The following TGFBI variants were observed in gnomAD, a reference collection of about 807,000 sequenced individuals.
The protein encoded by TGFBI is transforming growth factor beta induced, also known as transforming growth factor-beta-induced protein ig-h3.
A neutral mutation model predicts 73.7 loss-of-function variants in TGFBI; 50 were observed. That is an observed-to-expected ratio of 0.68 (90% CI 0.54 to 0.86). TGFBI has a LOEUF of 0.86. Among genes scored for constraint, TGFBI ranks in the 40% least tolerant of loss-of-function variants. The pLI, the probability that TGFBI is intolerant of heterozygous loss-of-function variation, is 0.00. For synonymous variants in TGFBI, 362 were observed against 360.5 expected (o/e 1.00, Z -0.05); for missense variants, 839 against 877.0 (o/e 0.96, Z 0.55).
At position 136,044,149 on chromosome 5, in the gene TGFBI, G is replaced by A. The variant is rs531607032; in HGVS notation, c.298+27G>A. 5.0e-5 allele frequency: 80 copies of A among 1,595,952 alleles called. No individual in the cohort carries two copies. In the East Asian group the frequency reaches 1.7e-3, roughly 34 times the overall value. On this transcript the variant is annotated intron_variant, in intron 3 of 16. Coordinates refer to ENST00000442011, the MANE Select transcript of TGFBI (RefSeq NM_000358.3). ...TGAATGAATCCTCCGGGCCTTGCCT[G>A]TTGGTGTGGGTGGAAGGGAATGGTG...
At position 136,052,908 on chromosome 5, in the gene TGFBI, C is replaced by T. The variant is rs754237763; in HGVS notation, c.915C>T (p.Asp305=). The change falls in exon 8 of 17, where the codon GAC becomes GAT. Residue 305 remains aspartate (D), a splice_region_variant and synonymous_variant. Coordinates refer to ENST00000442011, the MANE Select transcript of TGFBI (RefSeq NM_000358.3). ...RILGDPEALR[D]LLNNHILKSA... Reference sequence around the variant, plus strand: ...GACCTGAGTCTGTTTGGACCCCAGACCTGCTGAACAACCACATCTTGAAGT... The same window carrying T: ...GACCTGAGTCTGTTTGGACCCCAGATCTGCTGAACAACCACATCTTGAAGT... 1 of 1,613,508 alleles carries T rather than the reference C, an allele frequency of 6.2e-7. No individual in the cohort carries two copies. The highest frequency in any genetic ancestry group is 8.5e-7 in the Non-Finnish European group (1 of 1,179,488).
chr5:136,061,443 T>C (rs2126918002), intron 14 of TGFBI, 57 bp from the exon 15 acceptor site: 3 of 1,314,760 alleles, frequency 2.3e-6, no homozygotes, highest in South Asian at 2.5e-5. Context: ...ACGGTTGTTA[T>C]GAATGACATG....
chr5:136,042,099 C>G lies in TGFBI; in HGVS notation c.234-1959C>G, dbSNP rs189180578. 2.1e-4 allele frequency among the ~76,000 whole-genome samples: 32 copies of G among 152,318 alleles called. No individual in the cohort carries two copies. In the East Asian group the frequency reaches 5.2e-3, roughly 25 times the overall value. ...AGAAACTAAGTTTGGGGGGACTTGA[C>G]CTAATCCCACATCACAGCCCCAGTA... On this transcript the variant is annotated intron_variant, in intron 2 of 16. Coordinates refer to ENST00000442011, the MANE Select transcript of TGFBI (RefSeq NM_000358.3).
At chr5:136,054,687 C>T in intron 9 of TGFBI, 29 bp from the exon 10 acceptor site, 1 of 1,613,904 alleles carries the variant, frequency 6.2e-7, no homozygotes, top group East Asian at 2.2e-5. Context: ...GCACATCTCT[C>T]TGGACCTAAC....
chr5:136,061,130 G>A, intron 14 of TGFBI, 194 bp downstream of exon 14: 1 of 596,354 alleles, frequency 1.7e-6, no homozygotes, highest in South Asian at 2.4e-5. Flanking sequence ...GGAATGTGAG[G>A]ACACATTGCT....
chr5:136,029,949 C>T (rs1440497412), intron 1 of TGFBI, among the ~76,000 whole-genome samples: 1 of 152,134 alleles, frequency 6.6e-6, no homozygotes, highest in Non-Finnish European at 1.5e-5. Context: ...TCCTTTGAGA[C>T]CCTGAAGATG....
chr5:136,058,715 C>A (rs1751694179), intron 12 of TGFBI: 2 of 167,544 alleles, frequency 1.2e-5, no homozygotes, highest in South Asian at 3.6e-4. Flanking sequence ...GATGCCGGTG[C>A]TGGAAAGGTC....
intron 2 of TGFBI, among the ~76,000 whole-genome samples, chr5:136,040,448 G>A (rs1398896186): frequency 2.0e-5 from 3 of 152,156 alleles, no homozygotes; most frequent in Non-Finnish European, 4.4e-5. Context: ...GAATACTATT[G>A]TGAACTGTGC....
In TGFBI at chr5:136,033,918, C is replaced by T. The variant is rs1046288340; in HGVS notation, c.233+57C>T. Reference sequence around the variant, plus strand: ...CTGTATGCACGCTGGCTGCAGTTCCCCAGGGCCTGGGCCAGCCTTCTAGAA... The same window carrying T: ...CTGTATGCACGCTGGCTGCAGTTCCTCAGGGCCTGGGCCAGCCTTCTAGAA... On this transcript the variant is annotated intron_variant, in intron 2 of 16. Transcript: ENST00000442011. 9 of 1,448,024 alleles carry T rather than the reference C, an allele frequency of 6.2e-6. No individual in the cohort carries two copies. In the Admixed American group the frequency reaches 8.9e-5, roughly 14 times the overall value. The allele number at this position is 1,448,024 out of a possible 1,614,324, so 89.7% of individuals were successfully genotyped here. A position where few individuals can be genotyped will look rare whatever the true frequency, so the allele number is the denominator to read the frequency against.
intron 7 of TGFBI, among the ~76,000 whole-genome samples, chr5:136,051,552 G>A (rs1313148660): frequency 1.3e-5 from 2 of 152,196 alleles, no homozygotes; most frequent in African/African-American, 2.4e-5. Context: ...CTAACCAGCT[G>A]GTTCAGAGCA....
intron 2 of TGFBI, among the ~76,000 whole-genome samples, chr5:136,043,826 G>T (rs1751380706): frequency 6.6e-6 from 1 of 152,230 alleles, no homozygotes; most frequent in African/African-American, 2.4e-5. Flanking sequence ...CCAGTTGGTT[G>T]GCTGTAGGTG....
chr5:136,051,750 C>T (rs1451165982), intron 7 of TGFBI, among the ~76,000 whole-genome samples: 1 of 152,180 alleles, frequency 6.6e-6, no homozygotes, highest in Admixed American at 6.5e-5. Context: ...GTGGCCCTGG[C>T]AGGTTCCTCT....
chr5:136,049,068 C>T (rs566339537), intron 6 of TGFBI: 23 of 205,642 alleles, frequency 1.1e-4, no homozygotes, highest in East Asian at 7.1e-4. Context: ...CTTTGTCTGG[C>T]GGTGAGATGG....
At chr5:136,062,977 G>A (rs1751776824) in intron 16 of TGFBI, among the ~76,000 whole-genome samples, 1 of 152,196 alleles carries the variant, frequency 6.6e-6, no homozygotes, top group Non-Finnish European at 1.5e-5. Context: ...CCATGGTGAG[G>A]ATCTAGTTCC....
At position 136,036,021 on chromosome 5, in the gene TGFBI, G is replaced by A. The variant is rs537829728; in HGVS notation, c.233+2160G>A. Among the ~76,000 whole-genome samples the A allele has an allele frequency of 5.9e-5, 9 of 152,288 alleles. No individual in the cohort carries two copies. In the East Asian group the frequency reaches 1.3e-3, roughly 23 times the overall value. On this transcript the variant is annotated intron_variant, in intron 2 of 16. Transcript: ENST00000442011. ...CTGAGAATACTGTCAGTGATGAGTC[G>A]CCTTGGCTCTTGTACCTGTATCTTT...
chr5:136,030,381 AGTT>A (rs1300115092), intron 1 of TGFBI, among the ~76,000 whole-genome samples: 1 of 152,168 alleles, frequency 6.6e-6, no homozygotes, highest in Non-Finnish European at 1.5e-5. Flanking sequence ...TGTAGGGCAT[AGTT>A]GCTCTTGTTT....
intron 2 of TGFBI, among the ~76,000 whole-genome samples, chr5:136,039,121 A>C (rs991745889): frequency 3.3e-5 from 5 of 152,240 alleles, no homozygotes; most frequent in Non-Finnish European, 7.3e-5. Flanking sequence ...CATAGTTTCA[A>C]CTTTAAGGTT....
intron 1 of TGFBI, among the ~76,000 whole-genome samples, chr5:136,032,792 G>A (rs1345940240): frequency 1.3e-5 from 2 of 151,978 alleles, no homozygotes; most frequent in African/African-American, 4.8e-5. Context: ...TTTCCCTAGG[G>A]GCTCCTAATG....
chr5:136,045,281 G>A (rs1234688346), intron 3 of TGFBI, among the ~76,000 whole-genome samples: 4 of 152,134 alleles, frequency 2.6e-5, no homozygotes, highest in South Asian at 4.1e-4. Context: ...GGTGGCTCAC[G>A]CCTGTAATCC....
Sources: allele counts gnomAD v4.1 joint callset (sites outside exome capture counted in the v4.1 genomes callset), GRCh38; gene constraint gnomAD v4.1.1; transcripts MANE v1.5; gene names NCBI Gene and HGNC (gene_info 2026-07-23, HGNC 2026-07-21).